MBD5: variants seen among roughly 807,000 people sequenced by gnomAD.
MBD5 encodes the protein methyl-CpG-binding domain protein 5.
In MBD5, 13 loss-of-function variants were observed where a neutral mutation model predicts 117.3. The ratio of observed to expected loss-of-function variants is 0.11; its 90% CI spans 0.07 to 0.18. MBD5 has a LOEUF of 0.18. Ranked by LOEUF, MBD5 falls within the 10% of genes least tolerant of loss-of-function variation. The pLI is 1.00. For missense variants in MBD5, 1,879 were observed against 2,093.8 expected (o/e 0.90, Z 2.00); for synonymous variants, 727 against 766.4 (o/e 0.95, Z 0.85).
chr2:148,099,111 A>G (rs573817109), intron 1 of MBD5, among the ~76,000 whole-genome samples: 61 of 152,242 alleles, frequency 4.0e-4, no homozygotes, highest in African/African-American at 1.4e-3. Context: ...AGAAGTGGCC[A>G]GTGGACAGGA....
At chr2:148,342,794 T>G (rs1702981466) in intron 4 of MBD5, among the ~76,000 whole-genome samples, 1 of 152,030 alleles carries the variant, frequency 6.6e-6, no homozygotes, top group Non-Finnish European at 1.5e-5. Flanking sequence ...TATTTTAGAT[T>G]CAGGGGGTAC....
At chr2:148,395,677 G>A (rs1190061999) in intron 4 of MBD5, among the ~76,000 whole-genome samples, 1 of 151,894 alleles carries the variant, frequency 6.6e-6, no homozygotes, top group South Asian at 2.1e-4. Flanking sequence ...CACCCTCCTC[G>A]GCCTCTCAAA....
At chr2:148,231,263 G>A (rs7570104) in intron 2 of MBD5, among the ~76,000 whole-genome samples, 91,284 of 151,924 alleles carry the variant, frequency 0.6, 27,636 homozygotes, top group East Asian at 0.71. Context: ...GGCTAAACAG[G>A]CCTGGTTAAA....
At chr2:148,256,054 G>T (rs542298000) in intron 3 of MBD5, among the ~76,000 whole-genome samples, 1 of 152,240 alleles carries the variant, frequency 6.6e-6, no homozygotes, top group Non-Finnish European at 1.5e-5. Flanking sequence ...TAGCACATGC[G>T]TATACCCTTG....
chr2:148,112,567 A>C lies in MBD5; in HGVS notation c.-924-66133A>C, dbSNP rs569134990. 2.0e-5 allele frequency among the ~76,000 whole-genome samples: 3 copies of C among 152,322 alleles called. No homozygotes were observed. The South Asian group carries it at 6.2e-4, about 32-fold the overall frequency. On this transcript the variant is annotated intron_variant, in intron 1 of 13. Coordinates refer to ENST00000642680, the MANE Select transcript of MBD5 (RefSeq NM_001378120.1). ...TATCACATGAGCCTCTTTGCAGTTCATGGTTTACAGTACTTAATACAAATA... is the reference window on the plus strand; with the variant it reads ...TATCACATGAGCCTCTTTGCAGTTCCTGGTTTACAGTACTTAATACAAATA...
chr2:148,270,908 CACAA>C, intron 3 of MBD5, among the ~76,000 whole-genome samples: 1 of 152,154 alleles, frequency 6.6e-6, no homozygotes, highest in Admixed American at 6.5e-5. Flanking sequence ...TTCCCTTTTC[CACAA>C]ACAGATAGCC....
At chr2:148,089,631 T>C (rs780416968) in intron 1 of MBD5, among the ~76,000 whole-genome samples, 29 of 152,136 alleles carry the variant, frequency 1.9e-4, no homozygotes, top group Admixed American at 3.3e-4. Flanking sequence ...AAGTAAAAAA[T>C]TATCTGAACT....
chr2:148,183,099 G>A (rs1301137550), intron 2 of MBD5, among the ~76,000 whole-genome samples: 1 of 152,122 alleles, frequency 6.6e-6, no homozygotes, highest in African/African-American at 2.4e-5. Flanking sequence ...GGTTATATGT[G>A]TCAAGATGAA....
intron 12 of MBD5, 95 bp from the exon 13 acceptor site, chr2:148,509,965 C>A: frequency 4.1e-6 from 4 of 967,792 alleles, no homozygotes; most frequent in South Asian, 1.4e-5. Flanking sequence ...GGCTTTCTCT[C>A]GTGGAATTGG....
At chr2:148,248,816 CT>C (rs1700402205) in intron 3 of MBD5, among the ~76,000 whole-genome samples, 1 of 151,838 alleles carries the variant, frequency 6.6e-6, no homozygotes, top group South Asian at 2.1e-4. Context: ...AAATAGATTG[CT>C]TAGAAACATC....
chr2:148,243,480 C>T (rs1371780074), intron 3 of MBD5, among the ~76,000 whole-genome samples: 2 of 151,946 alleles, frequency 1.3e-5, no homozygotes, highest in Non-Finnish European at 2.9e-5. Flanking sequence ...GTAGATTATT[C>T]TGTTTATCAG....
chr2:148,134,018 C>G (rs557022870), intron 1 of MBD5, among the ~76,000 whole-genome samples: 1 of 151,808 alleles, frequency 6.6e-6, no homozygotes, highest in Non-Finnish European at 1.5e-5. Flanking sequence ...TTCATCCAGC[C>G]AATTGCTGTG....
At chr2:148,224,278 C>G (rs1258081420) in intron 2 of MBD5, among the ~76,000 whole-genome samples, 2 of 152,072 alleles carry the variant, frequency 1.3e-5, no homozygotes, top group Non-Finnish European at 2.9e-5. Flanking sequence ...GTTGATTTCT[C>G]CATCTGGACG....
chr2:148,464,097 G>C (rs543111762), intron 7 of MBD5, among the ~76,000 whole-genome samples, 178 bp downstream of exon 7: 25 of 152,086 alleles, frequency 1.6e-4, no homozygotes, highest in African/African-American at 6.0e-4. Flanking sequence ...AATATAGTGA[G>C]GTTATTTTCC....
At chr2:148,169,204 T>G (rs1163159304) in intron 1 of MBD5, among the ~76,000 whole-genome samples, 3 of 152,132 alleles carry the variant, frequency 2.0e-5, no homozygotes, top group Non-Finnish European at 2.9e-5. Flanking sequence ...CATGTTCACT[T>G]GATCTTAATC....
chr2:148,169,605 T>TA, intron 1 of MBD5, among the ~76,000 whole-genome samples: 1 of 152,312 alleles, frequency 6.6e-6, no homozygotes, highest in Non-Finnish European at 1.5e-5. Flanking sequence ...GCAGATCTGA[T>TA]AGACATTTTT....
In MBD5 at chr2:148,325,222, T is replaced by C. The variant is rs373002909; in HGVS notation, c.-679-16992T>C. Among the ~76,000 whole-genome samples the C allele has an allele frequency of 2.8e-4, 43 of 152,262 alleles. 1 individual carries two copies. The highest frequency in any genetic ancestry group is 1.5e-3 in the East Asian group (8 of 5,182). On this transcript the variant is annotated intron_variant, in intron 3 of 13. Transcript: ENST00000642680. ...GGTGGATAAGCTTTTTGATGTGCTG[T>C]TGGATTCGGTTTGCCAGTATTTTAT...
At chr2:148,034,341 T>C (rs980652039) in intron 1 of MBD5, among the ~76,000 whole-genome samples, 2 of 152,220 alleles carry the variant, frequency 1.3e-5, no homozygotes, top group Non-Finnish European at 2.9e-5. Context: ...TTTCTACTGT[T>C]GTTTAGCGAA....
chr2:148,402,276 G>A (rs1454136321), intron 4 of MBD5, among the ~76,000 whole-genome samples: 1 of 151,898 alleles, frequency 6.6e-6, no homozygotes, highest in Non-Finnish European at 1.5e-5. Context: ...TACTAGAGTG[G>A]TCATTATAAC....
Sources: allele counts gnomAD v4.1 joint callset (sites outside exome capture counted in the v4.1 genomes callset), GRCh38; gene constraint gnomAD v4.1.1; transcripts MANE v1.5; gene names NCBI Gene and HGNC (gene_info 2026-07-23, HGNC 2026-07-21).